CNDP1: variants seen among roughly 807,000 people sequenced by gnomAD.
CNDP1 encodes the protein beta-Ala-His dipeptidase.
Under a neutral mutation model 58.1 loss-of-function variants are expected in CNDP1, and 44 were observed. The ratio of observed to expected loss-of-function variants is 0.76; its 90% CI spans 0.60 to 0.97. CNDP1 has a LOEUF of 0.97. Among genes scored for constraint, CNDP1 ranks in the 50% least tolerant of loss-of-function variants. CNDP1 has a pLI of 0.00. For synonymous variants in CNDP1, 254 were observed against 252.6 expected, an observed-to-expected ratio of 1.01 and a Z score of -0.05; for missense variants, 616 against 655.1, an observed-to-expected ratio of 0.94 and a Z score of 0.65.
chr18:74,580,395 A>G, intron 10 of CNDP1, 124 bp downstream of exon 10: 3 of 969,480 alleles, frequency 3.1e-6, no homozygotes, highest in Non-Finnish European at 4.7e-6. Flanking sequence ...AATACAGAGC[A>G]CATTGTTGAA....
chr18:74,551,615 T>A (rs181098367), intron 1 of CNDP1, among the ~76,000 whole-genome samples: 36 of 152,242 alleles, frequency 2.4e-4, no homozygotes, highest in Admixed American at 1.5e-3. Context: ...GTCAGACCCC[T>A]GCTGTCAGGG....
At chr18:74,583,377 T>C (rs559663520) in intron 10 of CNDP1, among the ~76,000 whole-genome samples, 184 bp from the exon 11 acceptor site, 1 of 152,286 alleles carries the variant, frequency 6.6e-6, no homozygotes, top group Admixed American at 6.5e-5. Context: ...CTAGTGTCTA[T>C]CTTAGAATAT....
intron 5 of CNDP1, among the ~76,000 whole-genome samples, chr18:74,564,802 T>C (rs2144660140): frequency 6.6e-6 from 1 of 152,360 alleles, no homozygotes; most frequent in Non-Finnish European, 1.5e-5. Flanking sequence ...CAATCGTAGT[T>C]ACAACTCCAT....
At chr18:74,559,531 T>G in intron 3 of CNDP1, 59 bp downstream of exon 3, 3 of 1,522,606 alleles carry the variant, frequency 2.0e-6, no homozygotes, top group Non-Finnish European at 2.6e-6. Context: ...AGTCATGCCT[T>G]CCCGGGGGTG....
rs1418354234 is a variant in CNDP1 at position 74,579,183 on chromosome 18, C to G, written c.1167+856C>G. ...CCTCCCTCTCTCCCTTCTCCCTTCT[C>G]CCTTTCCTTCCCTTCCCTTGCCTTC... On this transcript the variant is annotated intron_variant, in intron 9 of 11. Coordinates refer to ENST00000358821, the MANE Select transcript of CNDP1 (RefSeq NM_032649.6). Among the ~76,000 whole-genome samples the G allele has an allele frequency of 1.0e-4, 9 of 87,440 alleles. No individual in the cohort carries two copies. In the East Asian group the frequency reaches 1.3e-3, roughly 13 times the overall value. The allele number at this position is 87,440 out of a possible 152,430, so 57.4% of individuals were successfully genotyped here.
At chr18:74,534,802 C>A in intron 1 of CNDP1, 111 bp downstream of exon 1, 1 of 1,126,864 alleles carries the variant, frequency 8.9e-7, no homozygotes, top group Non-Finnish European at 1.3e-6. Context: ...CAGCGTGGCC[C>A]CAGATGCTGC....
At chr18:74,576,686 C>A in intron 7 of CNDP1, 183 bp from the exon 8 acceptor site, 3 of 493,174 alleles carry the variant, frequency 6.1e-6, no homozygotes, top group South Asian at 4.2e-5. Context: ...ATCCTGGTGA[C>A]CAACTCCTTT....
chr18:74,566,172 C>T (rs978702842), intron 5 of CNDP1, among the ~76,000 whole-genome samples: 5 of 152,196 alleles, frequency 3.3e-5, no homozygotes, highest in African/African-American at 1.2e-4. Context: ...ATACAGGGAC[C>T]CTGGGCCTGG....
At chr18:74,575,133 A>G (rs1460434278) in intron 7 of CNDP1, among the ~76,000 whole-genome samples, 1 of 149,352 alleles carries the variant, frequency 6.7e-6, no homozygotes, top group Admixed American at 6.7e-5. Flanking sequence ...AGGAAAGAAA[A>G]AAGAAAGAAG....
Position 74,556,439 on chromosome 18 carries a change from T to C in CNDP1, c.126T>C (p.Ile42=), listed in dbSNP as rs1981044088. The change falls in exon 2 of 12, where the codon ATT becomes ATC. Residue 42 remains isoleucine, a synonymous_variant. Coordinates refer to ENST00000358821, the MANE Select transcript of CNDP1 (RefSeq NM_032649.6). ...PALLEKVFQY[I]DLHQDEFVQT... The stretch of plus-strand genomic sequence containing the variant: ...TGTTAGAGAAAGTCTTCCAGTACAT[T>C]GACCTCCATCAGGATGAATTTGTGC... 2.5e-6 allele frequency: 4 copies of C among 1,614,124 alleles called. No individual in the cohort carries two copies. Among genetic ancestry groups the C allele is most frequent in the Non-Finnish European group, 3.4e-6 (4 of 1,180,050 alleles).
rs9949211 is a variant in CNDP1 at position 74,542,364 on chromosome 18, T to C, written c.24+7673T>C. ...TGAACAGAGCTTGTGGGCTTTTAAG[T>C]GGACCCTTTTTATCTTCACCCGAAT... On this transcript the variant is annotated intron_variant, in intron 1 of 11. Transcript: ENST00000358821. Among the ~76,000 whole-genome samples, 1,449 of 152,292 alleles carry C rather than the reference T, an allele frequency of 9.5e-3. 20 individuals are homozygous for C. Among genetic ancestry groups the C allele is most frequent in the African/African-American group, 0.031 (1,303 of 41,560 alleles).
rs774418206 is a variant in CNDP1 at position 74,580,160 on chromosome 18, A to C, written c.1198A>C (p.Lys400Gln). The C allele has an allele frequency of 1.9e-6, 3 of 1,613,782 alleles. No individual in the cohort carries two copies. Among genetic ancestry groups the C allele is most frequent in the South Asian group, 1.1e-5 (1 of 91,040 alleles). ...VTRHLEDVFSKRNSSNKMVVS... is the reference protein window; with the variant it reads ...VTRHLEDVFSQRNSSNKMVVS... Reference sequence around the variant, plus strand: ...ACGACATCTTGAAGATGTGTTCTCCAAAAGAAATAGTTCCAACAAGATGGT... The same window carrying C: ...ACGACATCTTGAAGATGTGTTCTCCCAAAGAAATAGTTCCAACAAGATGGT... The change falls in exon 10 of 12, where the codon AAA becomes CAA. Residue 400 changes from lysine (K) to glutamine (Q), a missense_variant. By Grantham distance (53) the Lys-to-Gln change is moderately conservative. Coordinates refer to ENST00000358821, the MANE Select transcript of CNDP1 (RefSeq NM_032649.6).
At chr18:74,564,327 A>G (rs11873844) in intron 5 of CNDP1, among the ~76,000 whole-genome samples, 4,282 of 152,300 alleles carry the variant, frequency 0.028, 86 homozygotes, top group Middle Eastern at 0.061. Flanking sequence ...TTATAAAGAT[A>G]TAAAAAGATC....
At chr18:74,584,426 C>T (rs1981862017) in intron 11 of CNDP1, 70 bp from the exon 12 acceptor site, 2 of 1,036,350 alleles carry the variant, frequency 1.9e-6, no homozygotes, top group African/African-American at 1.6e-5. Flanking sequence ...GTCTAAATGA[C>T]AGAATATTTT....
intron 4 of CNDP1, chr18:74,561,414 C>CA (rs11447097): frequency 0.2 from 26,621 of 130,366 alleles, 3,264 homozygotes; most frequent in African/African-American, 0.34. Flanking sequence ...GAGACTTCAT[C>CA]AAAAAAAAAA....
chr18:74,537,361 G>A (rs566209600), intron 1 of CNDP1, among the ~76,000 whole-genome samples: 1 of 152,118 alleles, frequency 6.6e-6, no homozygotes, highest in East Asian at 1.9e-4. Flanking sequence ...ATGGCTAATG[G>A]CTAGCCAGTT....
intron 1 of CNDP1, among the ~76,000 whole-genome samples, chr18:74,537,721 C>G (rs1483666015): frequency 4.6e-5 from 7 of 152,158 alleles, no homozygotes; most frequent in Non-Finnish European, 8.8e-5. Flanking sequence ...TGCTCTAGTG[C>G]CCAGGCCCAG....
intron 5 of CNDP1, 128 bp from the exon 6 acceptor site, chr18:74,567,091 CCCATGATTCAATTA>C: frequency 1.5e-6 from 1 of 661,114 alleles, no homozygotes; most frequent in Non-Finnish European, 2.7e-6. Flanking sequence ...AAGACTGGCC[CCCATGATTCAATTA>C]CCTCCCCCTG....
intron 2 of CNDP1, 79 bp downstream of exon 2, chr18:74,556,545 C>G: frequency 6.4e-7 from 1 of 1,557,324 alleles, no homozygotes; most frequent in Non-Finnish European, 8.8e-7. Context: ...CAATTATTTG[C>G]TTGGAGATGT....
Sources: allele counts gnomAD v4.1 joint callset (sites outside exome capture counted in the v4.1 genomes callset), GRCh38; gene constraint gnomAD v4.1.1; transcripts MANE v1.5; gene names NCBI Gene and HGNC (gene_info 2026-07-23, HGNC 2026-07-21).